SLC38A10: variants seen among roughly 807,000 people sequenced by gnomAD.
The protein encoded by SLC38A10 is Sodium-coupled neutral amino acid transporter 10.
In SLC38A10, 53 loss-of-function variants were observed where a neutral mutation model predicts 81.0. That is an observed-to-expected ratio of 0.65 (90% CI 0.53 to 0.82). The LOEUF is 0.82. Among genes scored for constraint, SLC38A10 ranks in the 40% least tolerant of loss-of-function variants. The pLI is 0.00. For missense variants in SLC38A10, 1,471 were observed against 1,545.0 expected (o/e 0.95, Z 0.80); for synonymous variants, 665 against 655.3 (o/e 1.01, Z -0.23).
At chr17:81,294,569 G>A (rs1416236357) in intron 1 of SLC38A10, among the ~76,000 whole-genome samples, 2 of 152,202 alleles carry the variant, frequency 1.3e-5, no homozygotes, top group East Asian at 3.9e-4. Context: ...ACTTTGCTTC[G>A]GTATCGAGTT....
At position 81,270,780 on chromosome 17, in the gene SLC38A10, C is replaced by G; in HGVS notation, c.1131+138G>C. The stretch of plus-strand genomic sequence containing the variant: ...CCAGGGTTCCCCAGGCTGACTGGAC[C>G]AAGTCCCTTTTGTGGGTTTTAAGTT... On this transcript the variant is annotated intron_variant, in intron 10 of 15. Coordinates refer to ENST00000374759, the MANE Select transcript of SLC38A10 (RefSeq NM_001037984.3). The surrounding 1 kb of genome is among the most constrained non-coding windows in gnomAD (Gnocchi z 4.0). 1 of 681,668 alleles carries G rather than the reference C, an allele frequency of 1.5e-6. No individual in the cohort carries two copies. The highest frequency in any genetic ancestry group is 2.5e-6 in the Non-Finnish European group (1 of 405,064). The allele number at this position is 681,668 out of a possible 1,614,324, so 42.2% of individuals were successfully genotyped here. A position where few individuals can be genotyped will look rare whatever the true frequency, so the allele number is the denominator to read the frequency against.
Position 81,276,245 on chromosome 17 carries a change from C to T in SLC38A10, c.730-94G>A. On this transcript the variant is annotated intron_variant, in intron 7 of 15. Coordinates refer to ENST00000374759, the MANE Select transcript of SLC38A10 (RefSeq NM_001037984.3). This position sits in a 1 kb window ranked among gnomAD's most constrained non-coding sequence, Gnocchi z 4.7. ...GCAGGGCATGGGGGGGACCTGTGCC[C>T]TGCCCCCCAGAATGGCCTTCAATCC... 1 of 1,216,626 alleles carries T rather than the reference C, an allele frequency of 8.2e-7. No individual in the cohort carries two copies. Among genetic ancestry groups the T allele is most frequent in the Middle Eastern group, 2.0e-4 (1 of 4,980 alleles). The allele number at this position is 1,216,626 out of a possible 1,614,324, so 75.4% of individuals were successfully genotyped here.
chr17:81,294,047 T>C (rs2063329950), intron 1 of SLC38A10, among the ~76,000 whole-genome samples: 1 of 152,214 alleles, frequency 6.6e-6, no homozygotes. Flanking sequence ...GGAGTCTCCC[T>C]CTGTCGCCCA....
chr17:81,289,692 C>CAGGCCG lies in SLC38A10; in HGVS notation c.210_215dup (p.Gly71_Leu72dup), dbSNP rs1397091922. ...CACCTTGTGGAGAGGGCGCCTCACC[C>CAGGCCG]AGGCCGGCGTAGGTCCTCCGCTTGC... On this transcript the variant is annotated inframe_insertion and splice_region_variant, in exon 2 of 16. Coordinates refer to ENST00000374759, the MANE Select transcript of SLC38A10 (RefSeq NM_001037984.3). This position sits in a 1 kb window ranked among gnomAD's most constrained non-coding sequence, Gnocchi z 5.9. 6.2e-7 allele frequency: 1 copy of CAGGCCG among 1,606,232 alleles called. No individual in the cohort carries two copies. The highest frequency in any genetic ancestry group is 8.5e-7 in the Non-Finnish European group (1 of 1,178,018).
At position 81,289,861 on chromosome 17, in the gene SLC38A10, G is replaced by A; in HGVS notation, c.100-53C>T. ...TCACAGCAGCAGGTGCTCCCCAGAG[G>A]CCCTCACCCCACACACGCGGCTCAT... On this transcript the variant is annotated intron_variant, in intron 1 of 15. Coordinates refer to ENST00000374759, the MANE Select transcript of SLC38A10 (RefSeq NM_001037984.3). The surrounding 1 kb of genome is among the most constrained non-coding windows in gnomAD (Gnocchi z 5.9). 2.1e-6 allele frequency: 3 copies of A among 1,437,538 alleles called. No homozygotes were observed. The highest frequency in any genetic ancestry group is 2.8e-6 in the Non-Finnish European group (3 of 1,064,186). 89.0% of individuals were successfully genotyped at this position (1,437,538 alleles called of 1,614,324 possible).
At chr17:81,282,067 A>G (rs1454660855) in intron 5 of SLC38A10, 122 bp downstream of exon 5, 4 of 1,396,274 alleles carry the variant, frequency 2.9e-6, no homozygotes, top group South Asian at 2.5e-5. Context: ...TGCTACTTCC[A>G]ACACATTCCC....
At chr17:81,278,188 G>T (rs528733631) in intron 6 of SLC38A10, among the ~76,000 whole-genome samples, 6 of 152,124 alleles carry the variant, frequency 3.9e-5, no homozygotes, top group African/African-American at 1.4e-4. Context: ...CCGCCTTGAA[G>T]AAAGTGAAAG....
Position 81,260,588 on chromosome 17 carries a change from G to A in SLC38A10, c.1132-194C>T, listed in dbSNP as rs192194136. Among the ~76,000 whole-genome samples the A allele has an allele frequency of 8.4e-4, 128 of 152,308 alleles. 1 individual carries two copies. Among genetic ancestry groups the A allele is most frequent in the East Asian group, 1.7e-3 (9 of 5,174 alleles). ...GACAGGTGTCCACTCCCAGGGAGAC[G>A]GGCCCACCTGCCCGCGAAGCTCCCG... is the stretch of plus-strand genomic sequence containing the variant. On this transcript the variant is annotated intron_variant, in intron 10 of 15. Coordinates refer to ENST00000374759, the MANE Select transcript of SLC38A10 (RefSeq NM_001037984.3).
Position 81,253,011 on chromosome 17 carries a change from G to C in SLC38A10, c.1456+62C>G. 1 of 1,575,860 alleles carries C rather than the reference G, an allele frequency of 6.3e-7. No individual in the cohort carries two copies. On this transcript the variant is annotated intron_variant, in intron 12 of 15. Coordinates refer to ENST00000374759, the MANE Select transcript of SLC38A10 (RefSeq NM_001037984.3). This position sits in a 1 kb window ranked among gnomAD's most constrained non-coding sequence, Gnocchi z 4.1. ...TGAGAGCCACCCCGCAGGGTGTCCA[G>C]CCTGCAAAGGAGGACCCGGGGCCGC...
At position 81,260,261 on chromosome 17, in the gene SLC38A10, T is replaced by C; in HGVS notation, c.1265A>G (p.Lys422Arg). 6.2e-7 allele frequency: 1 copy of C among 1,605,482 alleles called. No homozygotes were observed. The highest frequency in any genetic ancestry group is 1.7e-4 in the Middle Eastern group (1 of 6,050). Reference sequence around the variant, plus strand: ...ACCTGAGAGCCGCGCTGCCTCCACCTTCATCAAACCCTCGGCCTCTCCAAG... The same window carrying C: ...ACCTGAGAGCCGCGCTGCCTCCACCCTCATCAAACCCTCGGCCTCTCCAAG... ...GRLGEAEGLM[K>R]VEAARLSAQD... Residue 422 changes from lysine (K) to arginine (R), a missense_variant, in exon 11 of 16, where the codon AAG becomes AGG. Physicochemically the swap from Lys to Arg is conservative, Grantham distance 26. Transcript: ENST00000374759.
chr17:81,246,816 C>T (rs2062856351), intron 15 of SLC38A10, 69 bp downstream of exon 15: 1 of 1,519,892 alleles, frequency 6.6e-7, no homozygotes, highest in Admixed American at 2.0e-5. Flanking sequence ...GCCTCAGACC[C>T]AGCCGCATGA....
At chr17:81,252,961 G>A in intron 12 of SLC38A10, 112 bp downstream of exon 12, 1 of 1,366,760 alleles carries the variant, frequency 7.3e-7, no homozygotes, top group Non-Finnish European at 1.0e-6. Context: ...AGGCTGGGCT[G>A]AAGGGAAAAA....
At position 81,277,145 on chromosome 17, in the gene SLC38A10, C is replaced by G. The variant is rs765069453; in HGVS notation, c.627-12G>C. The G allele has an allele frequency of 1.2e-6, 2 of 1,613,072 alleles. No homozygotes were observed. The highest frequency in any genetic ancestry group is 1.7e-5 in the Admixed American group (1 of 59,970). ...TGGGCAGCACCTGGCTGTATAGAAA[C>G]AGGCCATTTCACAGCGGACCTGAGA... On this transcript the variant is annotated splice_polypyrimidine_tract_variant and intron_variant, in intron 6 of 15. Coordinates refer to ENST00000374759, the MANE Select transcript of SLC38A10 (RefSeq NM_001037984.3). The surrounding 1 kb of genome is among the most constrained non-coding windows in gnomAD (Gnocchi z 4.5).
chr17:81,282,389 T>C (rs1224381450), intron 4 of SLC38A10, 57 bp from the exon 5 acceptor site: 1 of 1,554,880 alleles, frequency 6.4e-7, no homozygotes, highest in African/African-American at 1.4e-5. Context: ...ACCACCGGGC[T>C]CTCTGCACTG....
chr17:81,248,019 G>A (rs781686415), intron 14 of SLC38A10, among the ~76,000 whole-genome samples: 6 of 136,202 alleles, frequency 4.4e-5, no homozygotes, highest in African/African-American at 1.4e-4. Flanking sequence ...GTGCAGTGGC[G>A]CGATCTCAGC....
At chr17:81,284,754 G>A in intron 3 of SLC38A10, 96 bp downstream of exon 3, 2 of 965,426 alleles carry the variant, frequency 2.1e-6, no homozygotes, top group South Asian at 1.9e-5. Flanking sequence ...TAAGTTACAG[G>A]TGAATCTGGG....
chr17:81,285,517 A>C (rs1160309799), intron 2 of SLC38A10: 1 of 152,206 alleles, frequency 6.6e-6, no homozygotes, highest in Non-Finnish European at 1.5e-5. Flanking sequence ...GGGGCGGCCG[A>C]ATGCGGAAGG....
chr17:81,257,821 G>A lies in SLC38A10; in HGVS notation c.1288+2417C>T, dbSNP rs545653172. On this transcript the variant is annotated intron_variant, in intron 11 of 15. Coordinates refer to ENST00000374759, the MANE Select transcript of SLC38A10 (RefSeq NM_001037984.3). Reference sequence around the variant, plus strand: ...CCTGCCCCGCTGGGGGAGCGGGGACGAGGGTGCCCGAGGGGTGCGGGCCCT... The same window carrying A: ...CCTGCCCCGCTGGGGGAGCGGGGACAAGGGTGCCCGAGGGGTGCGGGCCCT... Among the ~76,000 whole-genome samples the A allele has an allele frequency of 2.8e-4, 43 of 152,384 alleles. 1 individual carries two copies. The South Asian group carries it at 8.1e-3, about 29-fold the overall frequency.
chr17:81,259,571 G>A (rs2063002667), intron 11 of SLC38A10, among the ~76,000 whole-genome samples: 1 of 152,208 alleles, frequency 6.6e-6, no homozygotes, highest in Non-Finnish European at 1.5e-5. Flanking sequence ...GAGGGTCAGG[G>A]AGGCAGTAGC....
Sources: gnomAD v4.1 joint callset for allele counts (sites outside exome capture counted in the v4.1 genomes callset) on GRCh38, gnomAD v4.1.1 for gene constraint, Gnocchi (gnomAD v3.1) non-coding constraint, MANE v1.5 for transcripts, NCBI Gene and HGNC (gene_info 2026-07-23, HGNC 2026-07-21) for gene names.